Variants in MARCHF1 observed in about 807,000 individuals in gnomAD.
MARCHF1 encodes the protein E3 ubiquitin-protein ligase MARCHF1.
A neutral mutation model predicts 54.2 loss-of-function variants in MARCHF1; 40 were observed. The observed-to-expected ratio is 0.74, with a 90% confidence interval of 0.57 to 0.96. The LOEUF is 0.96. Ranked by LOEUF, MARCHF1 falls within the 40% of genes least tolerant of loss-of-function variation. The pLI, the probability that MARCHF1 is intolerant of heterozygous loss-of-function variation, is 0.00. For synonymous variants in MARCHF1, 236 were observed against 236.3 expected (o/e 1.00, Z 0.01); for missense variants, 586 against 656.5 (o/e 0.89, Z 1.17).
At chr4:163,701,715 A>G (rs1744814045) in intron 4 of MARCHF1, among the ~76,000 whole-genome samples, 1 of 152,242 alleles carries the variant, frequency 6.6e-6, no homozygotes, top group African/African-American at 2.4e-5. Flanking sequence ...CAAAGATCAA[A>G]GGACACCTCT....
chr4:163,933,243 G>A, intron 3 of MARCHF1: 1 of 718,920 alleles, frequency 1.4e-6, no homozygotes. Context: ...CAGCAGAAGG[G>A]GCTGAAACTA....
chr4:164,281,507 T>C (rs1734025055), intron 1 of MARCHF1, among the ~76,000 whole-genome samples: 1 of 152,038 alleles, frequency 6.6e-6, no homozygotes, highest in South Asian at 2.1e-4. Flanking sequence ...AGTCTAAGTG[T>C]TACCCAAAAA....
chr4:163,753,454 T>A (rs1050972007), intron 4 of MARCHF1, among the ~76,000 whole-genome samples: 8 of 152,120 alleles, frequency 5.3e-5, no homozygotes, highest in African/African-American at 1.9e-4. Flanking sequence ...CTTTTTTCTA[T>A]TTTTTTAATC....
At chr4:164,007,345 C>CAAAAAAAAAAAAAA (rs56306052) in intron 2 of MARCHF1, among the ~76,000 whole-genome samples, 17 of 81,760 alleles carry the variant, frequency 2.1e-4, no homozygotes, top group East Asian at 4.9e-4. Context: ...GACTCCATCT[C>CAAAAAAAAAAAAAA]AAAAAAAAAA....
intron 5 of MARCHF1, among the ~76,000 whole-genome samples, chr4:163,697,035 G>C (rs1220181848): frequency 6.6e-6 from 1 of 152,114 alleles, no homozygotes; most frequent in African/African-American, 2.4e-5. Context: ...AAAAGGCACA[G>C]GGAGTGATGG....
At chr4:164,150,836 C>T (rs1482364898) in intron 1 of MARCHF1, among the ~76,000 whole-genome samples, 1 of 152,058 alleles carries the variant, frequency 6.6e-6, no homozygotes, top group African/African-American at 2.4e-5. Context: ...TGTTACATAG[C>T]AAAGGAGAAT....
chr4:164,034,937 C>G (rs1753961846), intron 2 of MARCHF1, among the ~76,000 whole-genome samples: 1 of 152,260 alleles, frequency 6.6e-6, no homozygotes, highest in South Asian at 2.1e-4. Flanking sequence ...CTACAGGTCT[C>G]TTGCTCTCAA....
intron 1 of MARCHF1, among the ~76,000 whole-genome samples, chr4:164,267,978 A>C (rs1733650955): frequency 6.6e-6 from 1 of 151,868 alleles, no homozygotes; most frequent in Non-Finnish European, 1.5e-5. Context: ...ATAGCAGTCC[A>C]AAATGCCAGG....
At chr4:163,554,963 T>A (rs1739234914) in intron 8 of MARCHF1, among the ~76,000 whole-genome samples, 1 of 152,208 alleles carries the variant, frequency 6.6e-6, no homozygotes. Flanking sequence ...ACTGGTTTCT[T>A]TCAAGATTTT....
intron 7 of MARCHF1, among the ~76,000 whole-genome samples, chr4:163,586,538 T>C (rs1740419384): frequency 1.3e-5 from 2 of 152,220 alleles, no homozygotes; most frequent in South Asian, 4.1e-4. Context: ...ACTTTTATGG[T>C]CATTGCTGGA....
intron 1 of MARCHF1, among the ~76,000 whole-genome samples, chr4:164,142,671 T>C (rs1299204733): frequency 1.3e-5 from 2 of 152,142 alleles, no homozygotes; most frequent in Admixed American, 6.5e-5. Context: ...AACCCATCTG[T>C]ACATCACCAT....
intron 1 of MARCHF1, among the ~76,000 whole-genome samples, chr4:164,248,932 T>G (rs1228020890): frequency 1.3e-5 from 2 of 152,054 alleles, no homozygotes; most frequent in Admixed American, 1.3e-4. Context: ...AATTTAAAAA[T>G]TCATAATTCA....
intron 8 of MARCHF1, among the ~76,000 whole-genome samples, chr4:163,572,749 A>G (rs990958955): frequency 1.3e-5 from 2 of 152,082 alleles, no homozygotes; most frequent in African/African-American, 4.8e-5. Context: ...CCTCTGTCAG[A>G]ATAACAAAGC....
At chr4:163,743,947 A>G (rs137893625) in intron 4 of MARCHF1, among the ~76,000 whole-genome samples, 1 of 152,244 alleles carries the variant, frequency 6.6e-6, no homozygotes, top group South Asian at 2.1e-4. Flanking sequence ...CAGTTTGGCT[A>G]CAGCTCCAGC....
At chr4:163,801,832 A>C (rs1220725739) in intron 4 of MARCHF1, among the ~76,000 whole-genome samples, 1 of 152,066 alleles carries the variant, frequency 6.6e-6, no homozygotes, top group Non-Finnish European at 1.5e-5. Flanking sequence ...AGTTTCATCC[A>C]TGTTGTTGCC....
At chr4:164,188,269 C>A (rs1288836584) in intron 1 of MARCHF1, 2 of 290,358 alleles carry the variant, frequency 6.9e-6, no homozygotes, top group Admixed American at 4.6e-5. Flanking sequence ...ACCGACCGAC[C>A]GACTGGGGTG....
chr4:163,663,181 C>G (rs1743407557), intron 5 of MARCHF1, among the ~76,000 whole-genome samples: 1 of 151,196 alleles, frequency 6.6e-6, no homozygotes, highest in South Asian at 2.1e-4. Flanking sequence ...ATATTTTTTC[C>G]TAGTGGATGC....
At chr4:164,120,617 A>T (rs538724667) in intron 1 of MARCHF1, among the ~76,000 whole-genome samples, 105 of 152,298 alleles carry the variant, frequency 6.9e-4, no homozygotes, top group African/African-American at 2.4e-3. Flanking sequence ...CAAAAAATGG[A>T]AATAATATCA....
intron 9 of MARCHF1, among the ~76,000 whole-genome samples, chr4:163,534,893 A>T (rs1738476931): frequency 6.6e-6 from 1 of 152,102 alleles, no homozygotes; most frequent in Non-Finnish European, 1.5e-5. Context: ...TGTATCATGT[A>T]TTCCAATACT....
Sources: allele counts gnomAD v4.1 joint callset (sites outside exome capture counted in the v4.1 genomes callset), GRCh38; gene constraint gnomAD v4.1.1; transcripts MANE v1.5; gene names NCBI Gene and HGNC (gene_info 2026-07-23, HGNC 2026-07-21).